Variants in ADAMTS2 observed in about 807,000 individuals in gnomAD.
ADAMTS2 encodes the protein A disintegrin and metalloproteinase with thrombospondin motifs 2.
In ADAMTS2, 50 loss-of-function variants were observed where a neutral mutation model predicts 123.0. The ratio of observed to expected loss-of-function variants is 0.41; its 90% CI spans 0.32 to 0.51. ADAMTS2 has a LOEUF of 0.51. ADAMTS2 is among the 20% of genes least tolerant of loss of function. The pLI is 0.35. For missense variants in ADAMTS2, 1,494 were observed against 1,705.2 expected (o/e 0.88, Z 2.18); for synonymous variants, 678 against 695.4 (o/e 0.98, Z 0.39).
intron 21 of ADAMTS2, chr5:179,120,084 A>G (rs1386298673): frequency 6.6e-6 from 1 of 152,142 alleles, no homozygotes; most frequent in African/African-American, 2.4e-5. Context: ...AAACCGGGGT[A>G]GTTAATGCTA....
intron 2 of ADAMTS2, among the ~76,000 whole-genome samples, chr5:179,334,838 A>C (rs1326307346): frequency 6.6e-6 from 1 of 152,260 alleles, no homozygotes; most frequent in Non-Finnish European, 1.5e-5. Flanking sequence ...AAAGAAAAAA[A>C]ATCCTTGAAA....
At chr5:179,209,767 G>A (rs546881874) in intron 3 of ADAMTS2, among the ~76,000 whole-genome samples, 1 of 152,328 alleles carries the variant, frequency 6.6e-6, no homozygotes, top group South Asian at 2.1e-4. Context: ...ACTCAAGCCT[G>A]ACAGGGGGGT....
At chr5:179,269,545 A>G (rs1235291750) in intron 3 of ADAMTS2, among the ~76,000 whole-genome samples, 1 of 152,144 alleles carries the variant, frequency 6.6e-6, no homozygotes, top group Non-Finnish European at 1.5e-5. Context: ...ACAGCATGGG[A>G]AAGACCCACC....
intron 3 of ADAMTS2, among the ~76,000 whole-genome samples, chr5:179,257,387 G>A (rs531653506): frequency 1.4e-3 from 211 of 152,322 alleles, no homozygotes; most frequent in African/African-American, 4.7e-3. Flanking sequence ...TATAGGTGCC[G>A]GGAGCCCGGG....
rs1581270449 is a variant in ADAMTS2 at position 179,317,882 on chromosome 5, C to A, written c.534+25885G>T. ...GGGAGGGAGGCAGGTGTAGACTGGGCCAGGGAAAGGTTCTGGAAACCCAGA... is the reference window on the plus strand; with the variant it reads ...GGGAGGGAGGCAGGTGTAGACTGGGACAGGGAAAGGTTCTGGAAACCCAGA... On this transcript the variant is annotated intron_variant, in intron 2 of 21. Transcript: ENST00000251582. The surrounding 1 kb of genome is among the most constrained non-coding windows in gnomAD (Gnocchi z 4.9). Among the ~76,000 whole-genome samples the A allele has an allele frequency of 6.6e-6, 1 of 152,030 alleles. No homozygotes were observed. Among genetic ancestry groups the A allele is most frequent in the East Asian group, 1.9e-4 (1 of 5,184 alleles).
intron 2 of ADAMTS2, among the ~76,000 whole-genome samples, chr5:179,305,561 T>C (rs1013212729): frequency 6.6e-5 from 10 of 151,908 alleles, no homozygotes; most frequent in East Asian, 1.9e-4. Flanking sequence ...TAAATTAAAA[T>C]TGAATACCAA....
chr5:179,179,489 C>G (rs1764000483), intron 5 of ADAMTS2, among the ~76,000 whole-genome samples: 1 of 152,112 alleles, frequency 6.6e-6, no homozygotes, highest in Admixed American at 6.5e-5. Flanking sequence ...GCAAGGGAAA[C>G]AGTGATATAA....
chr5:179,134,665 G>C (rs1052313063), intron 13 of ADAMTS2, among the ~76,000 whole-genome samples: 1 of 152,176 alleles, frequency 6.6e-6, no homozygotes, highest in East Asian at 1.9e-4. Flanking sequence ...GTATAGCCCA[G>C]CCTCCCGGCC....
chr5:179,158,904 A>G lies in ADAMTS2; in HGVS notation c.976-25T>C. 1 of 1,612,738 alleles carries G rather than the reference A, an allele frequency of 6.2e-7. No individual in the cohort carries two copies. Among genetic ancestry groups the G allele is most frequent in the Non-Finnish European group, 8.5e-7 (1 of 1,179,558 alleles). Reference sequence around the variant, plus strand: ...ACTGCAGGGGGATGGAGAGAAATGGAAGAGAGAGGTTGGCGCCTGGTGGCC... The same window carrying G: ...ACTGCAGGGGGATGGAGAGAAATGGGAGAGAGAGGTTGGCGCCTGGTGGCC... On this transcript the variant is annotated intron_variant, in intron 5 of 21. Transcript: ENST00000251582. The surrounding 1 kb of genome is among the most constrained non-coding windows in gnomAD (Gnocchi z 5.0).
Position 179,174,807 on chromosome 5 carries a change from TCCTTGCTTGGGTTCCGC to T in ADAMTS2, c.975+6248_975+6264del, listed in dbSNP as rs1561790069. 5.3e-4 allele frequency among the ~76,000 whole-genome samples: 81 copies of T among 151,920 alleles called. No individual in the cohort carries two copies. The South Asian group carries it at 7.1e-3, about 13-fold the overall frequency. On this transcript the variant is annotated intron_variant, in intron 5 of 21. Coordinates refer to ENST00000251582, the MANE Select transcript of ADAMTS2 (RefSeq NM_014244.5). ...TCATGTTCCTTTGGAGGAAGTCTCT[TCCTTGCTTGGGTTCCGC>T]AGCTGTCTCAGCCATTCTTGACCAT...
At chr5:179,226,101 A>T (rs7704240) in intron 3 of ADAMTS2, among the ~76,000 whole-genome samples, 9 of 151,976 alleles carry the variant, frequency 5.9e-5, no homozygotes, top group East Asian at 3.9e-4. Context: ...ACACCCCCAT[A>T]GCACGCCCTG....
chr5:179,114,782 C>A (rs767576619), intron 21 of ADAMTS2, among the ~76,000 whole-genome samples: 5 of 152,178 alleles, frequency 3.3e-5, no homozygotes, highest in Non-Finnish European at 7.4e-5. Flanking sequence ...CAAAATTAAA[C>A]CTAAAAGAGC....
chr5:179,282,430 G>C (rs189108143), intron 2 of ADAMTS2, among the ~76,000 whole-genome samples: 15 of 152,260 alleles, frequency 9.9e-5, no homozygotes, highest in African/African-American at 2.6e-4. Flanking sequence ...TTGGACCTTT[G>C]TCAAGAATCA....
At chr5:179,342,309 T>C (rs1581297573) in intron 2 of ADAMTS2, among the ~76,000 whole-genome samples, 1 of 152,234 alleles carries the variant, frequency 6.6e-6, no homozygotes, top group East Asian at 1.9e-4. Flanking sequence ...TCCTTTCATT[T>C]AGGAAATTAA....
intron 11 of ADAMTS2, among the ~76,000 whole-genome samples, chr5:179,139,293 G>C (rs926959191): frequency 2.6e-5 from 4 of 152,124 alleles, no homozygotes; most frequent in Non-Finnish European, 4.4e-5. Flanking sequence ...TGCGGGCTGA[G>C]GAGGGAGCAC....
At chr5:179,328,223 G>A (rs1462517857) in intron 2 of ADAMTS2, among the ~76,000 whole-genome samples, 1 of 152,164 alleles carries the variant, frequency 6.6e-6, no homozygotes, top group Non-Finnish European at 1.5e-5. Context: ...TAGTAGAGAC[G>A]GGGTTTCACC....
At chr5:179,126,382 C>G (rs562665254) in intron 17 of ADAMTS2, among the ~76,000 whole-genome samples, 1 of 152,296 alleles carries the variant, frequency 6.6e-6, no homozygotes, top group Non-Finnish European at 1.5e-5. Context: ...GCTCCTGGGT[C>G]AGAGTGGAGG....
intron 3 of ADAMTS2, among the ~76,000 whole-genome samples, chr5:179,221,935 G>A (rs1476399719): frequency 6.6e-6 from 1 of 152,154 alleles, no homozygotes; most frequent in Non-Finnish European, 1.5e-5. Flanking sequence ...GGTCTCTCCT[G>A]TCCTTCACGC....
intron 4 of ADAMTS2, among the ~76,000 whole-genome samples, chr5:179,204,378 A>T (rs544010554): frequency 6.6e-6 from 1 of 152,324 alleles, no homozygotes; most frequent in Non-Finnish European, 1.5e-5. Flanking sequence ...AAATTTTTTA[A>T]ATTAAAATTC....
Sources: allele counts gnomAD v4.1 joint callset (sites outside exome capture counted in the v4.1 genomes callset), GRCh38; gene constraint gnomAD v4.1.1; non-coding constraint Gnocchi (gnomAD v3.1); transcripts MANE v1.5; gene names NCBI Gene and HGNC (gene_info 2026-07-23, HGNC 2026-07-21).